The following DPY19L1 variants were observed in gnomAD, a reference collection of about 807,000 sequenced individuals.
DPY19L1 encodes the protein dpy-19 like C-mannosyltransferase 1, also known as protein C-mannosyl-transferase DPY19L1.
Under a neutral mutation model 96.9 loss-of-function variants are expected in DPY19L1, and 35 were observed. The ratio of observed to expected loss-of-function variants is 0.36; its 90% CI spans 0.28 to 0.48. The LOEUF (loss-of-function observed/expected upper bound fraction) is 0.48. DPY19L1 is among the 20% of genes least tolerant of loss of function. The pLI is 0.99. For missense variants in DPY19L1, 521 were observed against 777.9 expected, an observed-to-expected ratio of 0.67 and a Z score of 3.93; for synonymous variants, 205 against 252.6, an observed-to-expected ratio of 0.81 and a Z score of 1.79.
chr7:35,026,623 T>C (rs1361442828), intron 1 of DPY19L1, among the ~76,000 whole-genome samples: 1 of 152,022 alleles, frequency 6.6e-6, no homozygotes, highest in Non-Finnish European at 1.5e-5. Flanking sequence ...GAAGGTCCAA[T>C]GAGAAGAATA....
chr7:34,997,952 T>C (rs1166137624), intron 6 of DPY19L1, among the ~76,000 whole-genome samples: 1 of 152,158 alleles, frequency 6.6e-6, no homozygotes, highest in Non-Finnish European at 1.5e-5. Flanking sequence ...GTGTTAATGA[T>C]GACTATTCAC....
chr7:34,963,059 G>A (rs1168506086), intron 10 of DPY19L1, among the ~76,000 whole-genome samples: 1 of 151,876 alleles, frequency 6.6e-6, no homozygotes, highest in Non-Finnish European at 1.5e-5. Flanking sequence ...GCTGAGTGTG[G>A]TGGCACATGC....
rs536980650 is a variant in DPY19L1, at chr7:35,030,238, A to G, written c.298+6859T>C. Reference sequence around the variant, plus strand: ...TAGTAATTACTGTTAGGAAATAGGAAAAGTATTTGCCCAAAGGGCAGAGTA... The same window carrying G: ...TAGTAATTACTGTTAGGAAATAGGAGAAGTATTTGCCCAAAGGGCAGAGTA... On this transcript the variant is annotated intron_variant, in intron 1 of 21. Coordinates refer to ENST00000638088, the MANE Select transcript of DPY19L1 (RefSeq NM_001366673.1). Among the ~76,000 whole-genome samples the G allele has an allele frequency of 4.1e-4, 63 of 152,374 alleles. 2 individuals carry two copies. In the South Asian group the frequency reaches 0.013, roughly 31 times the overall value.
intron 8 of DPY19L1, among the ~76,000 whole-genome samples, chr7:34,970,555 A>G (rs191404437): frequency 6.6e-6 from 1 of 152,334 alleles, no homozygotes; most frequent in East Asian, 1.9e-4. Flanking sequence ...ACTAAGCCGC[A>G]GTGTAAAACT....
At chr7:35,002,614 G>A (rs558321773) in intron 6 of DPY19L1, among the ~76,000 whole-genome samples, 1 of 152,138 alleles carries the variant, frequency 6.6e-6, no homozygotes, top group East Asian at 1.9e-4. Context: ...TCTACACTGA[G>A]ACATATTGCT....
At chr7:35,009,861 GTTCCATAACAATATATTAGATA>G (rs1373456171) in intron 6 of DPY19L1, among the ~76,000 whole-genome samples, 3 of 152,070 alleles carry the variant, frequency 2.0e-5, no homozygotes, top group African/African-American at 2.4e-5. Context: ...GGAATATACT[GTTCCATAACAATATATTAGATA>G]TTCCATAACA....
intron 7 of DPY19L1, among the ~76,000 whole-genome samples, chr7:34,982,064 G>A (rs1001086893): frequency 2.2e-4 from 33 of 152,174 alleles, no homozygotes; most frequent in African/African-American, 8.0e-4. Flanking sequence ...CCTCAAAAAT[G>A]TTAATGCCAT....
In DPY19L1 at chr7:34,963,100, C is replaced by T. The variant is rs552971584; in HGVS notation, c.1092+3794G>A. Among the ~76,000 whole-genome samples the T allele has an allele frequency of 1.1e-3, 165 of 148,272 alleles. 2 individuals carry two copies. The highest frequency in any genetic ancestry group is 3.9e-3 in the African/African-American group (155 of 40,068). The stretch of plus-strand genomic sequence containing the variant: ...ATCCCAGCTGCTCGGAAGGCTGAGG[C>T]AGGAGAATCGCTTGAACCCGGGAGG... On this transcript the variant is annotated intron_variant, in intron 10 of 21. Transcript: ENST00000638088.
intron 3 of DPY19L1, among the ~76,000 whole-genome samples, chr7:35,016,113 TACAATG>T (rs2128679428): frequency 6.6e-6 from 1 of 152,160 alleles, no homozygotes; most frequent in East Asian, 1.9e-4. Context: ...AAGGCCAAAA[TACAATG>T]GCCAATCTAG....
chr7:34,946,333 G>A (rs1664040337), intron 15 of DPY19L1, among the ~76,000 whole-genome samples: 1 of 152,136 alleles, frequency 6.6e-6, no homozygotes, highest in African/African-American at 2.4e-5. Flanking sequence ...ATCAGTTCTG[G>A]TCAAAAGTCA....
chr7:35,033,195 C>A (rs1395673393), intron 1 of DPY19L1, among the ~76,000 whole-genome samples: 4 of 152,234 alleles, frequency 2.6e-5, no homozygotes, highest in Non-Finnish European at 5.9e-5. Context: ...TCATACTCTT[C>A]TGTTCGGCTG....
intron 7 of DPY19L1, among the ~76,000 whole-genome samples, chr7:34,977,911 C>T (rs1344146151): frequency 6.6e-6 from 1 of 151,898 alleles, no homozygotes; most frequent in East Asian, 1.9e-4. Flanking sequence ...GTTGCACAAA[C>T]TTCTATCTAG....
intron 6 of DPY19L1, chr7:35,000,754 G>A (rs1487577067): frequency 6.6e-6 from 1 of 152,196 alleles, no homozygotes; most frequent in Non-Finnish European, 1.5e-5. Context: ...GAACAGAAAA[G>A]AGAACGGAAA....
At chr7:34,976,616 T>C (rs1784836316) in intron 7 of DPY19L1, among the ~76,000 whole-genome samples, 3 of 152,196 alleles carry the variant, frequency 2.0e-5, no homozygotes, top group Admixed American at 2.0e-4. Flanking sequence ...TACAGAGGAA[T>C]CTTCTGTGAA....
chr7:34,992,121 C>G (rs1332327005), intron 6 of DPY19L1, among the ~76,000 whole-genome samples: 1 of 152,156 alleles, frequency 6.6e-6, no homozygotes, highest in Non-Finnish European at 1.5e-5. Flanking sequence ...ACAGAGTATG[C>G]AGGAGGTCGT....
At chr7:35,018,538 C>T in intron 2 of DPY19L1, 34 bp downstream of exon 2, 1 of 1,591,352 alleles carries the variant, frequency 6.3e-7, no homozygotes, top group African/African-American at 1.3e-5. Context: ...TAAACGTCTG[C>T]ATAAAATACC....
At chr7:34,999,938 C>G (rs1190192533) in intron 6 of DPY19L1, among the ~76,000 whole-genome samples, 3 of 152,138 alleles carry the variant, frequency 2.0e-5, no homozygotes, top group Non-Finnish European at 2.9e-5. Flanking sequence ...TTCCAAAGAT[C>G]TGAAAGTGGC....
At chr7:34,979,541 T>C (rs1784896536) in intron 7 of DPY19L1, among the ~76,000 whole-genome samples, 1 of 152,134 alleles carries the variant, frequency 6.6e-6, no homozygotes, top group African/African-American at 2.4e-5. Context: ...ACTGGAGAAA[T>C]ACTGAACCAT....
At chr7:35,035,641 C>T (rs2128685195) in intron 1 of DPY19L1, among the ~76,000 whole-genome samples, 1 of 152,324 alleles carries the variant, frequency 6.6e-6, no homozygotes, top group South Asian at 2.1e-4. Context: ...GTGCTCTAAA[C>T]ACAAAGTATC....
Sources: allele counts gnomAD v4.1 joint callset (sites outside exome capture counted in the v4.1 genomes callset), GRCh38; gene constraint gnomAD v4.1.1; transcripts MANE v1.5; gene names NCBI Gene and HGNC (gene_info 2026-07-23, HGNC 2026-07-21).